The following MYO1E variants were observed in gnomAD, a reference collection of about 807,000 sequenced individuals.
The protein encoded by MYO1E is myosin IE.
Under a neutral mutation model 151.1 loss-of-function variants are expected in MYO1E, and 68 were observed. The ratio of observed to expected loss-of-function variants is 0.45; its 90% confidence interval spans 0.37 to 0.55. The LOEUF (loss-of-function observed/expected upper bound fraction) is 0.55. Among genes scored for constraint, MYO1E ranks in the 20% least tolerant of loss-of-function variants. The pLI is 0.00. For synonymous variants in MYO1E, 601 were observed against 501.7 expected (o/e 1.20, Z -2.64); for missense variants, 1,363 against 1,389.3 (o/e 0.98, Z 0.30).
chr15:59,267,074 G>A (rs568480407), intron 2 of MYO1E, among the ~76,000 whole-genome samples: 6 of 140,520 alleles, frequency 4.3e-5, no homozygotes, highest in East Asian at 2.2e-4. Flanking sequence ...TCACCAGGCC[G>A]GAGTGCAGTG....
intron 2 of MYO1E, among the ~76,000 whole-genome samples, chr15:59,262,370 C>T (rs1427053198): frequency 6.6e-6 from 1 of 152,198 alleles, no homozygotes; most frequent in Non-Finnish European, 1.5e-5. Context: ...GTACTCCCAG[C>T]ATGTTAGAAG....
chr15:59,198,000 T>C (rs563047968), intron 16 of MYO1E, among the ~76,000 whole-genome samples: 6 of 152,298 alleles, frequency 3.9e-5, no homozygotes, highest in South Asian at 2.1e-4. Flanking sequence ...TAGCTGGGAC[T>C]GGAAGCACAT....
At chr15:59,147,787 C>G (rs552253154) in intron 26 of MYO1E, among the ~76,000 whole-genome samples, 94 of 152,166 alleles carry the variant, frequency 6.2e-4, no homozygotes, top group African/African-American at 2.2e-3. Context: ...ACAGGCACAG[C>G]TGCCAAGGGT....
intron 4 of MYO1E, among the ~76,000 whole-genome samples, chr15:59,246,570 A>C (rs898805732): frequency 2.0e-5 from 3 of 152,092 alleles, no homozygotes; most frequent in South Asian, 2.1e-4. Context: ...TCAGGCCCTC[A>C]CTGCTGCAAT....
intron 1 of MYO1E, among the ~76,000 whole-genome samples, chr15:59,313,892 T>A (rs1277073752): frequency 6.6e-6 from 1 of 152,228 alleles, no homozygotes; most frequent in Non-Finnish European, 1.5e-5. Flanking sequence ...AATGACTTAA[T>A]TGCTCCTGTG....
chr15:59,283,244 A>G lies in MYO1E; in HGVS notation c.4-10795T>C, dbSNP rs527589206. Among the ~76,000 whole-genome samples the G allele has an allele frequency of 5.9e-5, 9 of 151,908 alleles. No homozygotes were observed. In the East Asian group the frequency reaches 1.7e-3, roughly 30 times the overall value. On this transcript the variant is annotated intron_variant, in intron 1 of 27. Coordinates refer to ENST00000288235, the MANE Select transcript of MYO1E (RefSeq NM_004998.4). ...CTGCTTTCTCCGTTTTGAGGTTCCC[A>G]CCACACCATTTTCTGTGCATACCAT...
intron 23 of MYO1E, among the ~76,000 whole-genome samples, chr15:59,162,510 G>C (rs2079543301): frequency 6.6e-6 from 1 of 152,028 alleles, no homozygotes; most frequent in Admixed American, 6.6e-5. Context: ...GCTGGGTGTG[G>C]TGGTGAGCAC....
chr15:59,231,527 A>G (rs1361623501), intron 6 of MYO1E, among the ~76,000 whole-genome samples, 175 bp downstream of exon 6: 2 of 152,206 alleles, frequency 1.3e-5, no homozygotes, highest in African/African-American at 4.8e-5. Flanking sequence ...GGGGCGCAAA[A>G]AAAGGCAAAC....
In MYO1E at chr15:59,227,564, A is replaced by T; in HGVS notation, c.537T>A (p.Ser179Arg). The change falls in exon 7 of 28, where the codon AGT (serine) becomes AGA (arginine). Residue 179 changes from serine (S) to arginine (R), a missense_variant. By Grantham distance (110) the Ser-to-Arg change is moderately radical. Transcript: ENST00000288235. ...RFGKYFEIQF[S>R]PGGEPDGGKI... is the part of the protein sequence containing the mutation. ...TTCCACCATCTGGTTCCCCACCTGG[A>T]CTGAACTGGATTTCAAAGTATTTTC... is the stretch of plus-strand genomic sequence containing the variant. The T allele has an allele frequency of 6.2e-7, 1 of 1,614,190 alleles. No homozygotes were observed. The highest frequency in any genetic ancestry group is 8.5e-7 in the Non-Finnish European group (1 of 1,180,026).
intron 2 of MYO1E, chr15:59,266,645 G>GT (rs2080255379): frequency 6.9e-6 from 1 of 145,692 alleles, no homozygotes; most frequent in South Asian, 2.3e-4. Context: ...TTCAAATTTT[G>GT]TTTTTTGTTT....
chr15:59,316,840 C>T (rs2140414285), intron 1 of MYO1E, among the ~76,000 whole-genome samples: 1 of 152,282 alleles, frequency 6.6e-6, no homozygotes, highest in South Asian at 2.1e-4. Flanking sequence ...AATAATGCAA[C>T]TATAGCAGGG....
intron 1 of MYO1E, among the ~76,000 whole-genome samples, chr15:59,311,749 G>A (rs1395622177): frequency 6.6e-6 from 1 of 152,126 alleles, no homozygotes; most frequent in Non-Finnish European, 1.5e-5. Context: ...GAAAAAGGGG[G>A]AACCTTTAAG....
In MYO1E at chr15:59,227,592, T is replaced by C. The variant is rs2079999865; in HGVS notation, c.511-2A>G. ...GAACTGGATTTCAAAGTATTTTCCC[T>C]GCAAGAAAGTTAGGGATTTCCTTCA... On this transcript the variant is annotated splice_acceptor_variant, in intron 6 of 27. Transcript: ENST00000288235. LOFTEE classifies it high-confidence loss of function. The C allele has an allele frequency of 1.9e-6, 3 of 1,614,148 alleles. No homozygotes were observed. Among genetic ancestry groups the C allele is most frequent in the Non-Finnish European group, 2.5e-6 (3 of 1,179,988 alleles).
chr15:59,214,365 A>T lies in MYO1E; in HGVS notation c.1189-51T>A, dbSNP rs756326523. The T allele has an allele frequency of 2.9e-6, 4 of 1,376,352 alleles. No individual in the cohort carries two copies. The Admixed American group carries it at 6.8e-5, about 23-fold the overall frequency. 85.3% of individuals were successfully genotyped at this position (1,376,352 alleles called of 1,614,324 possible). On this transcript the variant is annotated intron_variant, in intron 11 of 27. Transcript: ENST00000288235. ...TAATTCTTTCACAAAATCATTTAAA[A>T]GTCATTTCTGGAGTGATTTATTGAA... is the stretch of plus-strand genomic sequence containing the variant.
intron 26 of MYO1E, among the ~76,000 whole-genome samples, chr15:59,142,681 C>T (rs1207219391): frequency 1.3e-5 from 2 of 152,224 alleles, no homozygotes; most frequent in East Asian, 1.9e-4. Flanking sequence ...CTGCCAGGGG[C>T]GGCCCCTGCT....
chr15:59,172,363 A>T (rs1430473987), intron 21 of MYO1E, among the ~76,000 whole-genome samples: 1 of 152,178 alleles, frequency 6.6e-6, no homozygotes. Flanking sequence ...TCTCAAAAAA[A>T]GGTGGACAGA....
rs575792283 is a variant in MYO1E, at chr15:59,144,933, T to G, written c.3081-6566A>C. Among the ~76,000 whole-genome samples, 344 of 152,276 alleles carry G rather than the reference T, an allele frequency of 2.3e-3. 2 individuals carry two copies. In the Middle Eastern group the frequency reaches 0.031, roughly 14 times the overall value. On this transcript the variant is annotated intron_variant, in intron 26 of 27. Coordinates refer to ENST00000288235, the MANE Select transcript of MYO1E (RefSeq NM_004998.4). ...ATCTCGGCTCACCGCAACCTCCACC[T>G]CCTGGGTTCAAGCGATTCTCCTGCC...
chr15:59,293,206 A>C (rs1046944380), intron 1 of MYO1E, among the ~76,000 whole-genome samples: 5 of 152,200 alleles, frequency 3.3e-5, no homozygotes, highest in African/African-American at 1.2e-4. Flanking sequence ...GCTTAGAATG[A>C]AACCCCCTCC....
intron 1 of MYO1E, among the ~76,000 whole-genome samples, chr15:59,283,158 T>C (rs2080367664): frequency 6.6e-6 from 1 of 151,418 alleles, no homozygotes; most frequent in Admixed American, 6.6e-5. Context: ...TAGCTGCGCA[T>C]GCATTTGAAG....
Sources: gnomAD v4.1 joint callset for allele counts (sites outside exome capture counted in the v4.1 genomes callset) on GRCh38, gnomAD v4.1.1 for gene constraint, MANE v1.5 for transcripts, NCBI Gene and HGNC (gene_info 2026-07-23, HGNC 2026-07-21) for gene names.